The following LMNB1 variants were observed in gnomAD, a reference collection of about 807,000 sequenced individuals.
LMNB1 encodes the protein lamin B1.
LMNB1 carries 23 observed loss-of-function variants against 67.1 expected under a neutral mutation model. The ratio of observed to expected loss-of-function variants is 0.34; its 90% CI spans 0.25 to 0.49. The LOEUF (loss-of-function observed/expected upper bound fraction) is 0.49. Among genes scored for constraint, LMNB1 ranks in the 20% least tolerant of loss-of-function variants. The pLI, the probability that LMNB1 is intolerant of heterozygous loss-of-function variation, is 0.99. For synonymous variants in LMNB1, 281 were observed against 282.9 expected (o/e 0.99, Z 0.07); for missense variants, 634 against 746.5 (o/e 0.85, Z 1.76).
chr5:126,783,072 G>T (rs1454145268), intron 1 of LMNB1, among the ~76,000 whole-genome samples: 1 of 151,710 alleles, frequency 6.6e-6, no homozygotes, highest in Non-Finnish European at 1.5e-5. Flanking sequence ...GGTGGTGCAC[G>T]CCTGTAATCC....
chr5:126,805,015 A>G, intron 2 of LMNB1, 83 bp downstream of exon 2: 1 of 1,170,148 alleles, frequency 8.5e-7, no homozygotes, highest in Non-Finnish European at 1.2e-6. Flanking sequence ...TGATTGATTG[A>G]TTTTCAAATG....
chr5:126,777,646 C>T lies in LMNB1; in HGVS notation c.138C>T (p.Tyr46=). The T allele has an allele frequency of 6.5e-7, 1 of 1,543,998 alleles. No homozygotes were observed. Among genetic ancestry groups the T allele is most frequent in the South Asian group, 1.2e-5 (1 of 83,324 alleles). ...AGCTCAATGACCGGCTGGCGGTGTACATCGACAAGGTGCGCAGCCTGGAGA... is the reference window on the plus strand; with the variant it reads ...AGCTCAATGACCGGCTGGCGGTGTATATCGACAAGGTGCGCAGCCTGGAGA... ...LRELNDRLAV[Y]IDKVRSLETE... Residue 46 remains tyrosine (Y), a synonymous_variant, in exon 1 of 11, where the codon TAC becomes TAT. Coordinates refer to ENST00000261366, the MANE Select transcript of LMNB1 (RefSeq NM_005573.4).
chr5:126,800,951 C>CTATATATATATATATATATATATA (rs57113826), intron 1 of LMNB1, among the ~76,000 whole-genome samples: 2 of 47,308 alleles, frequency 4.2e-5, no homozygotes, highest in African/African-American at 1.4e-4. Context: ...TGCAGCCAGA[C>CTATATATATATATATATATATATA]TATATATATA....
Position 126,790,371 on chromosome 5 carries a change from G to T in LMNB1, c.359+12504G>T, listed in dbSNP as rs556592391. On this transcript the variant is annotated intron_variant, in intron 1 of 10. Coordinates refer to ENST00000261366, the MANE Select transcript of LMNB1 (RefSeq NM_005573.4). The stretch of plus-strand genomic sequence containing the variant: ...TCTGCCTGCCTCGGCCTCCCAAAGT[G>T]CTGGGATTACAGATGTAAGCCACCA... 8.5e-5 allele frequency among the ~76,000 whole-genome samples: 13 copies of T among 152,218 alleles called. No homozygotes were observed. In the East Asian group the frequency reaches 2.5e-3, roughly 29 times the overall value.
chr5:126,811,942 C>G (rs376585203), intron 5 of LMNB1, 44 bp downstream of exon 5: 1 of 1,584,290 alleles, frequency 6.3e-7, no homozygotes, highest in Non-Finnish European at 8.6e-7. Flanking sequence ...TGAAGGCTAC[C>G]TTCACCACGG....
At chr5:126,831,848 A>ATAG (rs1253675970) in intron 9 of LMNB1, among the ~76,000 whole-genome samples, 1 of 152,206 alleles carries the variant, frequency 6.6e-6, no homozygotes, top group African/African-American at 2.4e-5. Context: ...TTCGAATTGG[A>ATAG]TAGTACTTCC....
intron 1 of LMNB1, among the ~76,000 whole-genome samples, chr5:126,792,032 C>T (rs978249013): frequency 4.6e-5 from 7 of 152,086 alleles, no homozygotes; most frequent in South Asian, 2.1e-4. Context: ...ATCCACCTAT[C>T]GCTGCCTTCC....
chr5:126,787,895 ATTGTATTTTT>A (rs1297727010), intron 1 of LMNB1, among the ~76,000 whole-genome samples: 14 of 151,676 alleles, frequency 9.2e-5, no homozygotes, highest in Non-Finnish European at 1.9e-4. Context: ...GGGGAAGGGG[ATTGTATTTTT>A]AGTAATGAGT....
chr5:126,796,340 A>C lies in LMNB1; in HGVS notation c.360-8436A>C, dbSNP rs373550000. Among the ~76,000 whole-genome samples, 13 of 152,232 alleles carry C rather than the reference A, an allele frequency of 8.5e-5. No individual in the cohort carries two copies. In the South Asian group the frequency reaches 2.3e-3, roughly 27 times the overall value. ...AGTCTGGAGTAGGGTACACCTAGAC[A>C]AATGAAGGACACCCAGGGAGTGAGA... is the stretch of plus-strand genomic sequence containing the variant. On this transcript the variant is annotated intron_variant, in intron 1 of 10. Coordinates refer to ENST00000261366, the MANE Select transcript of LMNB1 (RefSeq NM_005573.4).
intron 1 of LMNB1, among the ~76,000 whole-genome samples, chr5:126,788,744 C>G (rs1241338428): frequency 6.6e-6 from 1 of 151,846 alleles, no homozygotes; most frequent in Non-Finnish European, 1.5e-5. Flanking sequence ...GTTTTTGGTG[C>G]CTTAGGTGAT....
chr5:126,789,828 C>T (rs190051886), intron 1 of LMNB1, among the ~76,000 whole-genome samples: 3 of 152,194 alleles, frequency 2.0e-5, no homozygotes, highest in South Asian at 4.2e-4. Flanking sequence ...CACCTACCAA[C>T]GAGCCCGACT....
At chr5:126,786,015 G>C (rs1024894924) in intron 1 of LMNB1, among the ~76,000 whole-genome samples, 2 of 151,720 alleles carry the variant, frequency 1.3e-5, no homozygotes, top group Non-Finnish European at 2.9e-5. Context: ...CTCCCTTTGG[G>C]GGGTGGGGGA....
In LMNB1 at chr5:126,777,463, C is replaced by G; in HGVS notation, c.-46C>G. ...GCCCCCTGCCGTCCCCTCCTTATCACGGTCCCGCTCGCGGCCTCGCCGCCC... is the reference window on the plus strand; with the variant it reads ...GCCCCCTGCCGTCCCCTCCTTATCAGGGTCCCGCTCGCGGCCTCGCCGCCC... On this transcript the variant is annotated 5_prime_UTR_variant, in exon 1 of 11. Transcript: ENST00000261366. 7.7e-7 allele frequency: 1 copy of G among 1,293,864 alleles called. No homozygotes were observed. Among genetic ancestry groups the G allele is most frequent in the Non-Finnish European group, 9.8e-7 (1 of 1,025,418 alleles). The allele number at this position is 1,293,864 out of a possible 1,614,324, so 80.1% of individuals were successfully genotyped here.
At chr5:126,778,418 G>C (rs1400187945) in intron 1 of LMNB1, among the ~76,000 whole-genome samples, 1 of 152,216 alleles carries the variant, frequency 6.6e-6, no homozygotes, top group African/African-American at 2.4e-5. Context: ...GCGTCTCCTG[G>C]GGGTGGGTCC....
chr5:126,790,296 G>T (rs1247082537), intron 1 of LMNB1, among the ~76,000 whole-genome samples: 1 of 151,720 alleles, frequency 6.6e-6, no homozygotes, highest in African/African-American at 2.4e-5. Flanking sequence ...AGTAGAGAAG[G>T]GGTTTTGCCA....
At position 126,821,057 on chromosome 5, in the gene LMNB1, C is replaced by T. The variant is rs1460616400; in HGVS notation, c.1308C>T (p.Ala436=). 6 of 1,614,018 alleles carry T rather than the reference C, an allele frequency of 3.7e-6. No individual in the cohort carries two copies. The highest frequency in any genetic ancestry group is 2.2e-5 in the East Asian group (1 of 44,874). ...ASSSVSISHS[A]SATGNVCIEE... ...GTAGTGTTAGCATCTCTCATTCCGC[C>T]TCAGCCACTGGAAATGTTTGCATCG... Residue 436 remains alanine, a synonymous_variant, in exon 7 of 11, where the codon GCC becomes GCT. Transcript: ENST00000261366.
At chr5:126,800,982 A>ATATATTTTTTTTTTT in intron 1 of LMNB1, among the ~76,000 whole-genome samples, 8 of 18,630 alleles carry the variant, frequency 4.3e-4, no homozygotes, top group South Asian at 2.8e-3. Context: ...TATATATATA[A>ATATATTTTTTTTTTT]TTTTTTTTTT....
At chr5:126,824,640 A>G (rs1019001414) in intron 8 of LMNB1, among the ~76,000 whole-genome samples, 3 of 152,236 alleles carry the variant, frequency 2.0e-5, no homozygotes, top group African/African-American at 4.8e-5. Context: ...ATTGCTTACA[A>G]TTAGGGAAAC....
intron 1 of LMNB1, 35 bp from the exon 2 acceptor site, chr5:126,804,741 G>C (rs376232727): frequency 8.8e-6 from 14 of 1,597,782 alleles, no homozygotes; most frequent in Middle Eastern, 1.7e-4. Context: ...TCATCAGTAT[G>C]GTTTGATGTC....
Sources: gnomAD v4.1 joint callset for allele counts (sites outside exome capture counted in the v4.1 genomes callset) on GRCh38, gnomAD v4.1.1 for gene constraint, MANE v1.5 for transcripts, NCBI Gene and HGNC (gene_info 2026-07-23, HGNC 2026-07-21) for gene names.